The following PC variants were observed in gnomAD, a reference collection of about 807,000 sequenced individuals.
PC encodes pyruvate carboxylase, also known as pyruvate carboxylase, mitochondrial.
In PC, 46 loss-of-function variants were observed where a neutral mutation model predicts 107.8. The observed-to-expected ratio is 0.43, with a 90% CI of 0.34 to 0.55. The LOEUF (loss-of-function observed/expected upper bound fraction) is 0.55, where lower values mean the gene tolerates loss of function less well. Among genes scored for constraint, PC ranks in the 20% least tolerant of loss-of-function variants. The pLI is 0.04. For synonymous variants in PC, 662 were observed against 684.7 expected, an observed-to-expected ratio of 0.97 and a Z score of 0.52; for missense variants, 1,241 against 1,643.1, an observed-to-expected ratio of 0.76 and a Z score of 4.23.
chr11:66,940,088 A>G (rs571250739), intron 3 of PC, among the ~76,000 whole-genome samples: 1 of 152,314 alleles, frequency 6.6e-6, no homozygotes, highest in East Asian at 1.9e-4. Context: ...TTTGTGCATC[A>G]AAAGACATTA....
rs758110720 is a variant in PC, at chr11:66,870,294, C to A, written c.903+8G>T. ...CTCCTGTCCCAACACGGGAAGCCCA[C>A]CCTTCACCTGTTTAGCGAGTTTCAC... On this transcript the variant is annotated splice_region_variant and intron_variant, in intron 9 of 22. Transcript: ENST00000393960. This position sits in a 1 kb window ranked among gnomAD's most constrained non-coding sequence, Gnocchi z 6.1. 5.6e-6 allele frequency: 9 copies of A among 1,612,762 alleles called. No homozygotes were observed. The highest frequency in any genetic ancestry group is 7.6e-6 in the Non-Finnish European group (9 of 1,180,000).
intron 3 of PC, among the ~76,000 whole-genome samples, chr11:66,937,473 T>G (rs1360596457): frequency 2.3e-5 from 3 of 132,656 alleles, no homozygotes; most frequent in African/African-American, 8.4e-5. Context: ...CTCATTGGAG[T>G]TCACTGAGCT....
chr11:66,865,094 C>T (rs1303132865), intron 11 of PC, among the ~76,000 whole-genome samples: 2 of 152,194 alleles, frequency 1.3e-5, no homozygotes, highest in Non-Finnish European at 2.9e-5. Context: ...CAGGGGCCGC[C>T]GGGCAGCACT....
At chr11:66,942,169 T>A (rs903669672) in intron 3 of PC, among the ~76,000 whole-genome samples, 1 of 148,482 alleles carries the variant, frequency 6.7e-6, no homozygotes, top group Non-Finnish European at 1.5e-5. Context: ...GAGGCCGAGG[T>A]GGACGGATCA....
intron 12 of PC, 52 bp downstream of exon 12, chr11:66,863,722 G>A (rs1946372495): frequency 1.3e-6 from 2 of 1,557,334 alleles, no homozygotes; most frequent in South Asian, 1.2e-5. Context: ...GAACGGTCAG[G>A]GGGCCCTCCA....
Position 66,873,049 on chromosome 11 carries a change from TATA to T in PC, c.1-893_1-891del, listed in dbSNP as rs1350225197. On this transcript the variant is annotated intron_variant, in intron 3 of 22. Coordinates refer to ENST00000393960, the MANE Select transcript of PC (RefSeq NM_001040716.2). ...ACTCTGTCCCAGGAAAAAAAAAAAG[TATA>T]ATACTTCAGGTTGGGCACGGTGGCT... is the stretch of plus-strand genomic sequence containing the variant. Among the ~76,000 whole-genome samples, 9 of 124,622 alleles carry T rather than the reference TATA, an allele frequency of 7.2e-5. No homozygotes were observed. The East Asian group carries it at 2.1e-3, about 30-fold the overall frequency. 81.8% of individuals were successfully genotyped at this position (124,622 alleles called of 152,430 possible). A position where few individuals can be genotyped will look rare whatever the true frequency, so the allele number is the denominator to read the frequency against.
At chr11:66,884,486 T>C (rs1170840146) in intron 3 of PC, among the ~76,000 whole-genome samples, 1 of 152,110 alleles carries the variant, frequency 6.6e-6, no homozygotes, top group African/African-American at 2.4e-5. Flanking sequence ...TAAAGATTAG[T>C]AAGGCTTGGC....
At position 66,868,934 on chromosome 11, in the gene PC, A is replaced by C; in HGVS notation, c.934T>G (p.Phe312Val). The change falls in exon 10 of 23, where the codon TTC (phenylalanine) becomes GTC (valine). Residue 312 changes from phenylalanine (F) to valine (V), a missense_variant. This residue lies in a region of PC where 1,143 missense variants were observed against 1,551.9 expected (regional missense o/e 0.74). Coordinates refer to ENST00000393960, the MANE Select transcript of PC (RefSeq NM_001040716.2). The stretch of plus-strand genomic sequence containing the variant: ...TGCTTGCCGTGCCTGTCCACCAGGA[A>C]CTCCACGGTGCCTGCGTTCTCGTAG... ...VGYENAGTVEFLVDRHGKHYF... is the reference protein window; with the variant it reads ...VGYENAGTVEVLVDRHGKHYF... 1 of 1,613,700 alleles carries C rather than the reference A, an allele frequency of 6.2e-7. No individual in the cohort carries two copies. Among genetic ancestry groups the C allele is most frequent in the Non-Finnish European group, 8.5e-7 (1 of 1,179,960 alleles).
chr11:66,873,751 C>A (rs931101619), intron 3 of PC, among the ~76,000 whole-genome samples: 1 of 149,952 alleles, frequency 6.7e-6, no homozygotes, highest in Non-Finnish European at 1.5e-5. Context: ...TGCATCTGGG[C>A]CTCATCTAAC....
intron 3 of PC, among the ~76,000 whole-genome samples, chr11:66,948,587 C>A (rs1949361672): frequency 6.6e-6 from 1 of 152,184 alleles, no homozygotes; most frequent in Non-Finnish European, 1.5e-5. Context: ...CGCCTGTAAT[C>A]CCAGCACTTT....
intron 3 of PC, among the ~76,000 whole-genome samples, chr11:66,912,170 C>T (rs1948354613): frequency 6.6e-6 from 1 of 152,234 alleles, no homozygotes; most frequent in Non-Finnish European, 1.5e-5. Context: ...GATGGGAATA[C>T]TCGCCACACT....
At chr11:66,899,245 G>A (rs1947866185) in intron 3 of PC, among the ~76,000 whole-genome samples, 1 of 152,114 alleles carries the variant, frequency 6.6e-6, no homozygotes, top group Non-Finnish European at 1.5e-5. Context: ...TTAGCATATT[G>A]CTCTCAAGGT....
chr11:66,877,401 CA>C (rs1260522029), intron 3 of PC, among the ~76,000 whole-genome samples: 1 of 151,946 alleles, frequency 6.6e-6, no homozygotes, highest in Non-Finnish European at 1.5e-5. Flanking sequence ...CAAAACAAAA[CA>C]AAAAAAGCCG....
chr11:66,850,634 C>A (rs1229315841), intron 18 of PC, 40 bp downstream of exon 18: 36 of 1,603,138 alleles, frequency 2.2e-5, no homozygotes, highest in Non-Finnish European at 2.8e-5. Flanking sequence ...GTGGCTGCGG[C>A]TTTGAGAGGG....
intron 3 of PC, among the ~76,000 whole-genome samples, chr11:66,922,877 A>G (rs529099214): frequency 1.2e-4 from 19 of 152,362 alleles, no homozygotes; most frequent in Admixed American, 3.9e-4. Flanking sequence ...CAGGGGTCTC[A>G]GACAGGGAGG....
At chr11:66,931,596 A>C (rs1265082690) in intron 3 of PC, among the ~76,000 whole-genome samples, 1 of 151,898 alleles carries the variant, frequency 6.6e-6, no homozygotes, top group Non-Finnish European at 1.5e-5. Flanking sequence ...TGAAGAAAAA[A>C]AAACATGCAA....
intron 3 of PC, among the ~76,000 whole-genome samples, chr11:66,883,700 T>C (rs1268904053): frequency 1.3e-5 from 2 of 152,148 alleles, no homozygotes; most frequent in Non-Finnish European, 2.9e-5. Context: ...CTCTGTACAG[T>C]GCGTAAGACC....
At chr11:66,953,294 TG>T (rs1341756726) in intron 2 of PC, among the ~76,000 whole-genome samples, 2 of 152,230 alleles carry the variant, frequency 1.3e-5, no homozygotes, top group Non-Finnish European at 2.9e-5. Context: ...CTCTGAATAC[TG>T]GGAGTCTGGT....
intron 3 of PC, among the ~76,000 whole-genome samples, chr11:66,911,200 A>G (rs1410536701): frequency 4.6e-5 from 7 of 152,186 alleles, no homozygotes; most frequent in Non-Finnish European, 8.8e-5. Flanking sequence ...GTAGAGACCT[A>G]GACACAAGCT....
Sources: allele counts gnomAD v4.1 joint callset (sites outside exome capture counted in the v4.1 genomes callset), GRCh38; gene constraint gnomAD v4.1.1; regional missense constraint gnomAD v4.1.1; non-coding constraint Gnocchi (gnomAD v3.1); transcripts MANE v1.5; gene names NCBI Gene and HGNC (gene_info 2026-07-23, HGNC 2026-07-21).